The following ESPN variants were observed in gnomAD, a reference collection of about 807,000 sequenced individuals.
ESPN encodes the protein espin, also known as autosomal recessive deafness type 36 protein.
Under a neutral mutation model 77.7 loss-of-function variants are expected in ESPN, and 68 were observed. The observed-to-expected ratio is 0.87, with a 90% CI of 0.72 to 1.07. ESPN has a LOEUF of 1.07. Among genes scored for constraint, ESPN ranks in the 50% least tolerant of loss-of-function variants. The pLI is 0.00. For synonymous variants in ESPN, 449 were observed against 567.1 expected, an observed-to-expected ratio of 0.79 and a Z score of 2.96; for missense variants, 1,060 against 1,239.0, an observed-to-expected ratio of 0.86 and a Z score of 2.17.
In ESPN at chr1:6,451,679, C is replaced by G. The variant is rs1206944793; in HGVS notation, c.1992C>G (p.Ser664Arg). 5 of 1,613,066 alleles carry G rather than the reference C, an allele frequency of 3.1e-6. No homozygotes were observed. The highest frequency in any genetic ancestry group is 4.2e-6 in the Non-Finnish European group (5 of 1,179,960). The change falls in exon 9 of 13, where the codon AGC becomes AGG. Residue 664 changes from serine (S) to arginine (R), a missense_variant. Ser to Arg is a moderately radical substitution (Grantham distance 110). This residue lies in a region of ESPN where 374 missense variants were observed against 381.4 expected (regional missense o/e 0.98). Transcript: ENST00000645284. This position sits in a 1 kb window ranked among gnomAD's most constrained non-coding sequence, Gnocchi z 4.3. ...TGGCTGAGATTAAGGCAGGCAAGAG[C>G]CTGAAGCCGACGCCCCAGAGCAAGG... ...ELLAEIKAGK[S>R]LKPTPQSKGL...
chr1:6,461,127 C>T (rs45559234), downstream of ESPN: 4 of 604,250 alleles, frequency 6.6e-6, no homozygotes, highest in Admixed American at 4.3e-5. This position sits in a 1 kb window ranked among gnomAD's most constrained non-coding sequence, Gnocchi z 6.3. Context: ...AACACCCCAG[C>T]CCCGCAGAAA....
chr1:6,455,471 G>A (rs1557718806), intron 10 of ESPN: 2 of 397,268 alleles, frequency 5.0e-6, no homozygotes, highest in Non-Finnish European at 4.4e-6. Context: ...AACGGCTGCG[G>A]CAGCTGCTGA....
chr1:6,443,710 A>G (rs1172813747), intron 5 of ESPN, among the ~76,000 whole-genome samples: 1 of 152,192 alleles, frequency 6.6e-6, no homozygotes, highest in African/African-American at 2.4e-5. Flanking sequence ...CTGAGCCGTT[A>G]CCTGGTGCCA....
Position 6,447,877 on chromosome 1 carries a change from G to T in ESPN, c.1465-764G>T, listed in dbSNP as rs1468218185. On this transcript the variant is annotated intron_variant, in intron 7 of 12. Coordinates refer to ENST00000645284, the MANE Select transcript of ESPN (RefSeq NM_031475.3). The surrounding 1 kb of genome is among the most constrained non-coding windows in gnomAD (Gnocchi z 5.2). ...AGGGGGCGGGGTCACATCTGGCCGG[G>T]GACGGGTGCAGAGCCGCGGCCAGGT... 6.6e-6 allele frequency among the ~76,000 whole-genome samples: 1 copy of T among 152,208 alleles called. No individual in the cohort carries two copies. The highest frequency in any genetic ancestry group is 1.5e-5 in the Non-Finnish European group (1 of 68,034).
At chr1:6,461,192 G>A (rs1644160428), downstream of ESPN, 1 of 716,406 alleles carries the variant, frequency 1.4e-6, no homozygotes, top group East Asian at 2.7e-5. The surrounding 1 kb of genome is among the most constrained non-coding windows in gnomAD (Gnocchi z 6.3). Context: ...TTAATACCGC[G>A]ATCTCAGCCA....
intron 5 of ESPN, among the ~76,000 whole-genome samples, chr1:6,441,271 A>T (rs534279933): frequency 2.0e-5 from 3 of 152,294 alleles, no homozygotes; most frequent in Admixed American, 1.3e-4. Flanking sequence ...AGGACAGGGA[A>T]GACCAGAGTC....
intron 7 of ESPN, among the ~76,000 whole-genome samples, chr1:6,446,172 A>G (rs1569691327): frequency 2.6e-5 from 4 of 152,288 alleles, no homozygotes; most frequent in South Asian, 4.1e-4. Context: ...TGAAGGACGC[A>G]GGTCCAGACA....
At position 6,444,596 on chromosome 1, in the gene ESPN, A is replaced by G; in HGVS notation, c.1106A>G (p.Asp369Gly). Residue 369 changes from aspartate to glycine, a missense_variant, in exon 6 of 13, where the codon GAC becomes GGC. Physicochemically the swap from Asp to Gly is moderately conservative, Grantham distance 94 (BLOSUM62 -1). Transcript: ENST00000645284. ...TTVSVQPLNF[D>G]LSSPTSTLSN... ...GTGTCGGTCCAGCCGCTGAACTTTG[A>G]CCTCAGCTCGCCTACCAGCACCCTC... 1 of 1,613,984 alleles carries G rather than the reference A, an allele frequency of 6.2e-7. No homozygotes were observed. The highest frequency in any genetic ancestry group is 1.1e-5 in the South Asian group (1 of 91,066).
chr1:6,443,171 T>TA (rs76469850), intron 5 of ESPN: 36,923 of 131,778 alleles, frequency 0.28, 5,720 homozygotes, highest in African/African-American at 0.46. Flanking sequence ...AAACTCTGTC[T>TA]AAAAAAAAAA....
intron 7 of ESPN, among the ~76,000 whole-genome samples, chr1:6,446,174 G>A (rs1179694032): frequency 6.6e-6 from 1 of 152,146 alleles, no homozygotes; most frequent in Non-Finnish European, 1.5e-5. Context: ...AAGGACGCAG[G>A]TCCAGACAGC....
chr1:6,448,577 G>C, intron 7 of ESPN, 64 bp from the exon 8 acceptor site: 1 of 1,430,432 alleles, frequency 7.0e-7, no homozygotes, highest in Non-Finnish European at 9.4e-7. Context: ...GAGCTGGGTG[G>C]GGAGGCGTGG....
At chr1:6,459,603 C>T (rs1644119532) in intron 12 of ESPN, among the ~76,000 whole-genome samples, 1 of 152,116 alleles carries the variant, frequency 6.6e-6, no homozygotes, top group Admixed American at 6.5e-5. Flanking sequence ...TATGGTCTCT[C>T]TGCTCCCCAG....
At chr1:6,440,834 G>T in intron 4 of ESPN, 26 bp downstream of exon 4, 1 of 1,453,166 alleles carries the variant, frequency 6.9e-7, no homozygotes. Context: ...GGGTGGGGGC[G>T]CGCGCCCTCT....
Position 6,424,943 on chromosome 1 carries a change from C to G in ESPN, c.-13C>G. The G allele has an allele frequency of 1.4e-6, 2 of 1,441,498 alleles. No homozygotes were observed. 89.3% of individuals were successfully genotyped at this position (1,441,498 alleles called of 1,614,324 possible). On this transcript the variant is annotated 5_prime_UTR_variant, in exon 1 of 13. Transcript: ENST00000645284. Reference sequence around the variant, plus strand: ...GGCGCTGAGTGCGGAGTCGCGGCGCCGCACGCGGCACCATGGCCCTGGAGC... The same window carrying G: ...GGCGCTGAGTGCGGAGTCGCGGCGCGGCACGCGGCACCATGGCCCTGGAGC...
At position 6,440,807 on chromosome 1, in the gene ESPN, A is replaced by C; in HGVS notation, c.857A>C (p.Glu286Ala). The C allele has an allele frequency of 6.7e-7, 1 of 1,487,140 alleles. No individual in the cohort carries two copies. The highest frequency in any genetic ancestry group is 8.9e-7 in the Non-Finnish European group (1 of 1,127,098). 92.1% of individuals were successfully genotyped at this position (1,487,140 alleles called of 1,614,324 possible). Residue 286 changes from glutamate to alanine, a missense_variant and splice_region_variant, in exon 4 of 13, where the codon GAG (glutamate) becomes GCG (alanine). By Grantham distance (107) the Glu-to-Ala change is moderately radical. Coordinates refer to ENST00000645284, the MANE Select transcript of ESPN (RefSeq NM_031475.3). ...GACGCCGCCGAGAACGGGGAGCTAG[A>C]GGTCAGCGCGGGCCCGGGGTGGGGG... The part of the protein sequence containing the change: ...LHDAAENGEL[E>A]CCQILVVNGA...
chr1:6,454,622 G>C, intron 10 of ESPN: 1 of 398,948 alleles, frequency 2.5e-6, no homozygotes, highest in Non-Finnish European at 4.4e-6. Context: ...AGCAACTGGA[G>C]CTGGAGCTGG....
rs766910318 is a variant in ESPN at position 6,445,962 on chromosome 1, C to T, written c.1464+27C>T. 5.6e-6 allele frequency: 9 copies of T among 1,610,710 alleles called. No homozygotes were observed. The South Asian group carries it at 8.8e-5, about 16-fold the overall frequency. ...TAGTGAGCCCTCACCCCCTGCCTGC[C>T]TCCCAGCAGGGGGACTGGGCTGATG... On this transcript the variant is annotated intron_variant, in intron 7 of 12. Coordinates refer to ENST00000645284, the MANE Select transcript of ESPN (RefSeq NM_031475.3).
At chr1:6,443,293 A>C (rs1204893838) in intron 5 of ESPN, 2 of 152,278 alleles carry the variant, frequency 1.3e-5, no homozygotes, top group Non-Finnish European at 2.9e-5. Flanking sequence ...CAAAAAGCAT[A>C]GGTGACTCTC....
chr1:6,454,614 C>G (rs1569742730), intron 10 of ESPN: 3 of 398,784 alleles, frequency 7.5e-6, no homozygotes, highest in South Asian at 1.3e-4. Context: ...GCGCCTCGAG[C>G]AACTGGAGCT....
Sources: allele counts gnomAD v4.1 joint callset (sites outside exome capture counted in the v4.1 genomes callset), GRCh38; gene constraint gnomAD v4.1.1; regional missense constraint gnomAD v4.1.1; non-coding constraint Gnocchi (gnomAD v3.1); transcripts MANE v1.5; gene names NCBI Gene and HGNC (gene_info 2026-07-23, HGNC 2026-07-21).